Variants in SORCS2 observed in about 807,000 individuals in gnomAD.
The protein encoded by SORCS2 is VPS10 domain-containing receptor SorCS2.
Under a neutral mutation model 141.6 loss-of-function variants are expected in SORCS2, and 100 were observed. That is an observed-to-expected ratio of 0.71 (90% CI 0.60 to 0.83). The LOEUF (loss-of-function observed/expected upper bound fraction) is 0.83. Among genes scored for constraint, SORCS2 ranks in the 40% least tolerant of loss-of-function variants. SORCS2 has a pLI of 0.00. For missense variants in SORCS2, 1,646 were observed against 1,560.2 expected (o/e 1.05, Z -0.93); for synonymous variants, 789 against 676.9 (o/e 1.17, Z -2.57).
chr4:7,698,952 C>T lies in SORCS2; in HGVS notation c.1668+1678C>T, dbSNP rs73076487. Among the ~76,000 whole-genome samples the T allele has an allele frequency of 3.9e-3, 594 of 152,180 alleles. 5 individuals carry two copies. The highest frequency in any genetic ancestry group is 0.012 in the African/African-American group (514 of 41,530). ...GGAGGGCAGGGTGGTGAGCCCAGGACGGTCTCCGTGGCTTCCTATCGTGCC... is the reference window on the plus strand; with the variant it reads ...GGAGGGCAGGGTGGTGAGCCCAGGATGGTCTCCGTGGCTTCCTATCGTGCC... On this transcript the variant is annotated intron_variant, in intron 12 of 26. Transcript: ENST00000507866.
chr4:7,213,955 TGC>T, intron 1 of SORCS2, among the ~76,000 whole-genome samples: 1 of 152,340 alleles, frequency 6.6e-6, no homozygotes, highest in Non-Finnish European at 1.5e-5. Flanking sequence ...TGAGGTTCCC[TGC>T]AGCGAGTGAG....
At chr4:7,282,892 G>T (rs1023617620) in intron 1 of SORCS2, among the ~76,000 whole-genome samples, 3 of 152,168 alleles carry the variant, frequency 2.0e-5, no homozygotes, top group Non-Finnish European at 2.9e-5. Flanking sequence ...GGGAAGTGGG[G>T]GGTTCAGCAT....
intron 3 of SORCS2, among the ~76,000 whole-genome samples, chr4:7,563,661 G>A (rs1714759944): frequency 6.6e-6 from 1 of 152,160 alleles, no homozygotes; most frequent in South Asian, 2.1e-4. Flanking sequence ...CCATTGATGG[G>A]AGCCTCACTG....
At chr4:7,403,997 A>ATATATATATAT (rs1265288820) in intron 2 of SORCS2, among the ~76,000 whole-genome samples, 35 of 18,910 alleles carry the variant, frequency 1.9e-3, no homozygotes, top group East Asian at 6.4e-3. Flanking sequence ...ATATATATAT[A>ATATATATATAT]TTTTTTTTTT....
chr4:7,416,210 C>T (rs762715553), intron 2 of SORCS2, among the ~76,000 whole-genome samples: 3 of 152,064 alleles, frequency 2.0e-5, no homozygotes, highest in Non-Finnish European at 4.4e-5. Flanking sequence ...CTTGTGGACT[C>T]GAGCAAACAT....
intron 1 of SORCS2, among the ~76,000 whole-genome samples, chr4:7,375,843 C>G (rs976866627): frequency 6.6e-6 from 1 of 152,178 alleles, no homozygotes; most frequent in African/African-American, 2.4e-5. Context: ...CAAGTGGCTT[C>G]TTCCTGTGTC....
At chr4:7,203,969 A>C (rs1185581712) in intron 1 of SORCS2, among the ~76,000 whole-genome samples, 2 of 152,220 alleles carry the variant, frequency 1.3e-5, no homozygotes, top group Non-Finnish European at 1.5e-5. Flanking sequence ...AGGTTTGCCC[A>C]GGCTGTAGCA....
intron 2 of SORCS2, among the ~76,000 whole-genome samples, chr4:7,498,101 C>T (rs200203842): frequency 6.6e-6 from 1 of 152,318 alleles, no homozygotes; most frequent in East Asian, 1.9e-4. Context: ...TTTCAAATGG[C>T]TGCCCTTCCA....
intron 2 of SORCS2, chr4:7,432,220 C>T (rs944848626): frequency 2.6e-5 from 4 of 152,224 alleles, no homozygotes; most frequent in Admixed American, 6.5e-5. Flanking sequence ...GCTCTGGGAT[C>T]TGCGCCTTCC....
chr4:7,712,693 A>C (rs1335201037), intron 14 of SORCS2, 40 bp from the exon 15 acceptor site: 4 of 1,613,132 alleles, frequency 2.5e-6, no homozygotes, highest in Non-Finnish European at 3.4e-6. Flanking sequence ...AGGCCTAATG[A>C]AGGTGGTTTT....
At chr4:7,693,947 G>C (rs1206799497) in intron 11 of SORCS2, among the ~76,000 whole-genome samples, 1 of 152,244 alleles carries the variant, frequency 6.6e-6, no homozygotes. Context: ...GGCCCTTCTA[G>C]AGATGGGAGC....
intron 2 of SORCS2, among the ~76,000 whole-genome samples, chr4:7,480,777 C>G (rs887620513): frequency 6.6e-6 from 1 of 152,240 alleles, no homozygotes; most frequent in African/African-American, 2.4e-5. Context: ...CTCCCCAGCT[C>G]GCCAGGGCCG....
chr4:7,589,543 T>C (rs1347086062), intron 3 of SORCS2, among the ~76,000 whole-genome samples: 2 of 152,088 alleles, frequency 1.3e-5, no homozygotes, highest in African/African-American at 2.4e-5. Context: ...GCTGGGACTA[T>C]AGGCGCCTGC....
At chr4:7,438,807 T>C (rs1476499493) in intron 2 of SORCS2, among the ~76,000 whole-genome samples, 1 of 152,148 alleles carries the variant, frequency 6.6e-6, no homozygotes, top group Non-Finnish European at 1.5e-5. Flanking sequence ...CCTCCTTTCC[T>C]CTCACCTGTC....
chr4:7,507,454 G>C (rs1264126292), intron 2 of SORCS2, among the ~76,000 whole-genome samples: 2 of 152,198 alleles, frequency 1.3e-5, no homozygotes, highest in African/African-American at 4.8e-5. Flanking sequence ...GATTACAGGC[G>C]TGAGCCACTG....
intron 2 of SORCS2, among the ~76,000 whole-genome samples, chr4:7,507,359 GA>G (rs1224632269): frequency 2.0e-5 from 3 of 152,054 alleles, no homozygotes; most frequent in African/African-American, 7.2e-5. Flanking sequence ...TATTTTAGTA[GA>G]GACAGGGTTT....
At chr4:7,601,659 T>TTTTGTTTGTTTG (rs144842622) in intron 3 of SORCS2, among the ~76,000 whole-genome samples, 1 of 128,452 alleles carries the variant, frequency 7.8e-6, no homozygotes, top group African/African-American at 2.8e-5. Context: ...TAGCTTTGTT[T>TTTTGTTTGTTTG]TTTGTTTGTT....
At chr4:7,391,377 G>A (rs981640053) in intron 1 of SORCS2, among the ~76,000 whole-genome samples, 3 of 152,182 alleles carry the variant, frequency 2.0e-5, no homozygotes, top group African/African-American at 4.8e-5. Context: ...TCCCACTGCC[G>A]GAGCTTTGAG....
chr4:7,339,083 C>G (rs112670311), intron 1 of SORCS2, among the ~76,000 whole-genome samples: 3 of 152,222 alleles, frequency 2.0e-5, no homozygotes, highest in African/African-American at 7.2e-5. Flanking sequence ...TGTGGTATCA[C>G]CTGCCATTTC....
Sources: allele counts gnomAD v4.1 joint callset (sites outside exome capture counted in the v4.1 genomes callset), GRCh38; gene constraint gnomAD v4.1.1; transcripts MANE v1.5; gene names NCBI Gene and HGNC (gene_info 2026-07-23, HGNC 2026-07-21).